The following KCNIP4 variants were observed in gnomAD, a reference collection of about 807,000 sequenced individuals.
KCNIP4 encodes the protein potassium voltage-gated channel interacting protein 4, also known as Kv channel-interacting protein 4.
KCNIP4 carries 12 observed loss-of-function variants against 34.0 expected under a neutral mutation model. The observed-to-expected ratio is 0.35, with a 90% CI of 0.23 to 0.57. KCNIP4 has a LOEUF of 0.57. KCNIP4 is among the 20% of genes least tolerant of loss of function. KCNIP4 has a pLI of 0.83. For missense variants in KCNIP4, 238 were observed against 311.7 expected (o/e 0.76, Z 1.78); for synonymous variants, 124 against 102.2 (o/e 1.21, Z -1.29).
At chr4:21,331,910 G>T (rs1201565190) in intron 1 of KCNIP4, among the ~76,000 whole-genome samples, 3 of 152,074 alleles carry the variant, frequency 2.0e-5, no homozygotes, top group African/African-American at 7.2e-5. Context: ...TTTGTGGGAA[G>T]AGACATGATC....
At chr4:21,391,538 C>G (rs959019230) in intron 1 of KCNIP4, among the ~76,000 whole-genome samples, 5 of 152,118 alleles carry the variant, frequency 3.3e-5, no homozygotes, top group Admixed American at 2.6e-4. Context: ...TGATGCTCCC[C>G]TAACGTGGAG....
chr4:21,616,097 C>T (rs993174036), intron 1 of KCNIP4, among the ~76,000 whole-genome samples: 7 of 152,160 alleles, frequency 4.6e-5, no homozygotes, highest in African/African-American at 1.7e-4. Context: ...CAAGCTCTGG[C>T]TCCCCAGTCA....
intron 1 of KCNIP4, among the ~76,000 whole-genome samples, chr4:21,076,594 C>A (rs1190194427): frequency 6.6e-6 from 1 of 152,112 alleles, no homozygotes; most frequent in East Asian, 1.9e-4. Context: ...TTCCTAGGTT[C>A]ATTGTAACTC....
chr4:21,453,224 C>A (rs962382049), intron 1 of KCNIP4, among the ~76,000 whole-genome samples: 22 of 151,942 alleles, frequency 1.4e-4, no homozygotes, highest in African/African-American at 5.3e-4. Context: ...AATGTTGACA[C>A]TTAATTATCT....
chr4:21,387,111 G>T (rs1421673068), intron 1 of KCNIP4, among the ~76,000 whole-genome samples: 1 of 152,136 alleles, frequency 6.6e-6, no homozygotes, highest in Non-Finnish European at 1.5e-5. Context: ...AACAGAGCAG[G>T]CAGGAGAAGG....
intron 2 of KCNIP4, among the ~76,000 whole-genome samples, chr4:20,873,017 T>C (rs1723649265): frequency 6.6e-6 from 1 of 152,266 alleles, no homozygotes; most frequent in Admixed American, 6.5e-5. Context: ...TTTGGTGGAG[T>C]CACTTCATCT....
At chr4:21,238,400 A>T (rs1759539262) in intron 1 of KCNIP4, among the ~76,000 whole-genome samples, 1 of 152,170 alleles carries the variant, frequency 6.6e-6, no homozygotes, top group Non-Finnish European at 1.5e-5. Context: ...CAGGAGAAGG[A>T]AATAAAGGGT....
At chr4:21,514,365 A>G (rs762762799) in intron 1 of KCNIP4, among the ~76,000 whole-genome samples, 2 of 152,222 alleles carry the variant, frequency 1.3e-5, no homozygotes, top group Non-Finnish European at 2.9e-5. Flanking sequence ...CCAGGCAATC[A>G]GATTGCTACA....
intron 1 of KCNIP4, among the ~76,000 whole-genome samples, chr4:21,817,756 A>T (rs1722077248): frequency 6.6e-6 from 1 of 152,164 alleles, no homozygotes. Context: ...AGGGTGGGGA[A>T]AAACTCTGCC....
At chr4:21,608,301 G>A (rs761965622) in intron 1 of KCNIP4, among the ~76,000 whole-genome samples, 1 of 152,090 alleles carries the variant, frequency 6.6e-6, no homozygotes, top group Non-Finnish European at 1.5e-5. Context: ...AGGTGTCTGC[G>A]GGGCTGCCTT....
chr4:20,756,854 GTTC>G (rs1335913527), intron 4 of KCNIP4, among the ~76,000 whole-genome samples: 1 of 151,618 alleles, frequency 6.6e-6, no homozygotes, highest in African/African-American at 2.4e-5. Context: ...TTTCCTTATG[GTTC>G]TTGACATGTG....
intron 1 of KCNIP4, among the ~76,000 whole-genome samples, chr4:20,970,127 A>C (rs1027007229): frequency 1.1e-4 from 16 of 151,580 alleles, no homozygotes; most frequent in African/African-American, 3.9e-4. Flanking sequence ...ATTTTTAGTA[A>C]ATACGGGGTT....
At chr4:21,557,608 G>T (rs905316411) in intron 1 of KCNIP4, among the ~76,000 whole-genome samples, 1 of 152,074 alleles carries the variant, frequency 6.6e-6, no homozygotes, top group East Asian at 1.9e-4. Context: ...GTAGGAATCT[G>T]GTCCCAAGTG....
At chr4:20,872,694 A>G (rs1036884677) in intron 2 of KCNIP4, among the ~76,000 whole-genome samples, 1 of 152,132 alleles carries the variant, frequency 6.6e-6, no homozygotes, top group Non-Finnish European at 1.5e-5. Context: ...TAAAACAAAG[A>G]AGGCTCTCAT....
intron 1 of KCNIP4, among the ~76,000 whole-genome samples, chr4:21,753,625 G>T (rs1265557636): frequency 6.6e-6 from 1 of 152,172 alleles, no homozygotes; most frequent in Non-Finnish European, 1.5e-5. Flanking sequence ...GCTCATGCAG[G>T]TTAAATGTCC....
chr4:21,050,326 G>C (rs1322682947), intron 1 of KCNIP4, among the ~76,000 whole-genome samples: 1 of 152,052 alleles, frequency 6.6e-6, no homozygotes, highest in African/African-American at 2.4e-5. Context: ...ACTGTAGTTT[G>C]ACTCTAATTA....
intron 1 of KCNIP4, among the ~76,000 whole-genome samples, chr4:21,168,412 T>C (rs1009195090): frequency 6.6e-6 from 1 of 152,168 alleles, no homozygotes; most frequent in Non-Finnish European, 1.5e-5. Context: ...TCTGAGTCTT[T>C]AGTGCACCAA....
intron 1 of KCNIP4, among the ~76,000 whole-genome samples, chr4:20,916,986 TA>T (rs1560568167): frequency 0.19 from 15,145 of 77,880 alleles, 3,661 homozygotes; most frequent in African/African-American, 0.41. Context: ...ATCTTATGTT[TA>T]TATATATATA....
At chr4:21,629,053 G>T (rs1257065125) in intron 1 of KCNIP4, among the ~76,000 whole-genome samples, 2 of 152,100 alleles carry the variant, frequency 1.3e-5, no homozygotes, top group Non-Finnish European at 2.9e-5. Flanking sequence ...CAAGGTGTTG[G>T]GTGGGTCACA....
Sources: gnomAD v4.1 joint callset for allele counts (sites outside exome capture counted in the v4.1 genomes callset) on GRCh38, gnomAD v4.1.1 for gene constraint, MANE v1.5 for transcripts, NCBI Gene and HGNC (gene_info 2026-07-23, HGNC 2026-07-21) for gene names.